The following SND1 variants were observed in gnomAD, a reference collection of about 807,000 sequenced individuals.
SND1 encodes the protein staphylococcal nuclease and tudor domain containing 1, also known as staphylococcal nuclease domain-containing protein 1.
A neutral mutation model predicts 121.7 loss-of-function variants in SND1; 38 were observed. That is an observed-to-expected ratio of 0.31 (90% CI 0.24 to 0.41). The LOEUF (loss-of-function observed/expected upper bound fraction) is 0.41. Ranked by LOEUF, SND1 falls within the 10% of genes least tolerant of loss-of-function variation. The pLI is 1.00. For missense variants in SND1, 868 were observed against 1,184.6 expected (o/e 0.73, Z 3.92); for synonymous variants, 401 against 447.4 (o/e 0.90, Z 1.31).
intron 14 of SND1, among the ~76,000 whole-genome samples, chr7:127,917,442 C>A (rs367711271): frequency 6.6e-6 from 1 of 152,170 alleles, no homozygotes; most frequent in African/African-American, 2.4e-5. Flanking sequence ...GCTCTCTTTA[C>A]TAGGAACAAA....
chr7:127,981,005 T>C lies in SND1; in HGVS notation c.1670-9942T>C, dbSNP rs79280278. Among the ~76,000 whole-genome samples the C allele has an allele frequency of 8.2e-3, 1,253 of 152,318 alleles. 9 individuals are homozygous for C. The highest frequency in any genetic ancestry group is 0.012 in the Non-Finnish European group (832 of 68,024). On this transcript the variant is annotated intron_variant, in intron 15 of 23. Transcript: ENST00000354725. Reference sequence around the variant, plus strand: ...TATTTGATTTAAAGATAAAGTCCTATTGCTTTAAAATAAGTCAGAAGAAAT... The same window carrying C: ...TATTTGATTTAAAGATAAAGTCCTACTGCTTTAAAATAAGTCAGAAGAAAT...
At chr7:127,991,144 T>A in intron 16 of SND1, 88 bp downstream of exon 16, 2 of 840,414 alleles carry the variant, frequency 2.4e-6, no homozygotes, top group South Asian at 3.1e-5. Flanking sequence ...CAGTCTGTTG[T>A]TTTTTCCACT....
At chr7:128,041,335 G>A (rs1019638468) in intron 16 of SND1, among the ~76,000 whole-genome samples, 18 of 152,088 alleles carry the variant, frequency 1.2e-4, no homozygotes, top group Admixed American at 1.0e-3. Context: ...TGGGAACACC[G>A]GGAAACCAGC....
At chr7:127,773,765 T>A (rs758745130) in intron 10 of SND1, among the ~76,000 whole-genome samples, 6 of 152,192 alleles carry the variant, frequency 3.9e-5, no homozygotes, top group Non-Finnish European at 7.3e-5. Flanking sequence ...TGAAGTGACA[T>A]TTAATTTTCT....
intron 10 of SND1, among the ~76,000 whole-genome samples, chr7:127,779,738 A>G (rs151167055): frequency 6.6e-6 from 1 of 152,208 alleles, no homozygotes; most frequent in East Asian, 1.9e-4. Context: ...AAGTTCGCCA[A>G]ACTGGATTGT....
At chr7:127,943,811 T>C (rs1036212540) in intron 15 of SND1, among the ~76,000 whole-genome samples, 2 of 152,228 alleles carry the variant, frequency 1.3e-5, no homozygotes, top group Non-Finnish European at 2.9e-5. Flanking sequence ...TTAACTGTGC[T>C]GATGAAAGCA....
intron 1 of SND1, among the ~76,000 whole-genome samples, chr7:127,680,435 C>A (rs1587590799): frequency 6.6e-6 from 1 of 152,086 alleles, no homozygotes; most frequent in Admixed American, 6.5e-5. Context: ...TCCCTACAGT[C>A]TCGACCGTAG....
chr7:127,915,358 G>C (rs999472038), intron 14 of SND1, among the ~76,000 whole-genome samples: 5 of 152,122 alleles, frequency 3.3e-5, no homozygotes, highest in Admixed American at 6.6e-5. Context: ...ATCATCCTCA[G>C]TAATATTTAC....
At chr7:128,026,329 G>A (rs1487458718) in intron 16 of SND1, among the ~76,000 whole-genome samples, 1 of 152,178 alleles carries the variant, frequency 6.6e-6, no homozygotes, top group African/African-American at 2.4e-5. Context: ...CCATACATAT[G>A]TGCTGGCACA....
At chr7:127,888,633 A>G (rs1799954002) in intron 13 of SND1, among the ~76,000 whole-genome samples, 1 of 152,054 alleles carries the variant, frequency 6.6e-6, no homozygotes, top group African/African-American at 2.4e-5. Flanking sequence ...TTACTCAGGG[A>G]GTCTTTTGTC....
intron 16 of SND1, among the ~76,000 whole-genome samples, chr7:128,055,191 G>A (rs776330402): frequency 9.9e-5 from 15 of 152,178 alleles, no homozygotes; most frequent in East Asian, 1.9e-4. Flanking sequence ...AGGGGGTTGG[G>A]AGGCAGGAAG....
intron 16 of SND1, among the ~76,000 whole-genome samples, chr7:128,059,814 G>A (rs1285652201): frequency 6.6e-6 from 1 of 152,176 alleles, no homozygotes; most frequent in East Asian, 1.9e-4. Context: ...AAACAAAAGA[G>A]CCCTGCCAAG....
At chr7:127,684,805 G>T (rs1013839674) in intron 1 of SND1, among the ~76,000 whole-genome samples, 7 of 152,112 alleles carry the variant, frequency 4.6e-5, no homozygotes, top group African/African-American at 1.7e-4. Flanking sequence ...TATAACCAGG[G>T]ATTAAAGTGA....
At chr7:128,079,649 C>G (rs1793564903) in intron 17 of SND1, among the ~76,000 whole-genome samples, 1 of 152,252 alleles carries the variant, frequency 6.6e-6, no homozygotes, top group Non-Finnish European at 1.5e-5. Context: ...AACACACGCT[C>G]AGGCCGCGTT....
intron 10 of SND1, among the ~76,000 whole-genome samples, chr7:127,776,370 A>G (rs1173991960): frequency 3.3e-5 from 5 of 152,238 alleles, no homozygotes; most frequent in African/African-American, 1.2e-4. Context: ...AAGATTTAAG[A>G]AAGACATTAA....
At chr7:127,772,543 CAT>C (rs1391780255) in intron 10 of SND1, among the ~76,000 whole-genome samples, 1 of 149,556 alleles carries the variant, frequency 6.7e-6, no homozygotes, top group Non-Finnish European at 1.5e-5. Flanking sequence ...ACTCCTAAAA[CAT>C]AACCATATTT....
At chr7:128,065,110 A>G (rs1417155777) in intron 16 of SND1, among the ~76,000 whole-genome samples, 3 of 152,244 alleles carry the variant, frequency 2.0e-5, no homozygotes, top group Non-Finnish European at 2.9e-5. Flanking sequence ...TTGCAGGTGA[A>G]GAGTTAGATG....
chr7:128,028,775 G>T, intron 16 of SND1: 1 of 1,614,048 alleles, frequency 6.2e-7, no homozygotes, highest in Non-Finnish European at 8.5e-7. Context: ...AGTTCCCCAG[G>T]CTGTTTTCTG....
intron 21 of SND1, among the ~76,000 whole-genome samples, chr7:128,089,141 G>A (rs1273253517): frequency 2.0e-5 from 3 of 152,036 alleles, no homozygotes; most frequent in Non-Finnish European, 2.9e-5. Flanking sequence ...TGCAGCCTCC[G>A]CCTCCTAGCT....
Sources: allele counts gnomAD v4.1 joint callset (sites outside exome capture counted in the v4.1 genomes callset), GRCh38; gene constraint gnomAD v4.1.1; transcripts MANE v1.5; gene names NCBI Gene and HGNC (gene_info 2026-07-23, HGNC 2026-07-21).